DERA: variants seen among roughly 807,000 people sequenced by gnomAD.
DERA encodes 2-deoxy-D-ribose 5-phosphate aldolase.
A neutral mutation model predicts 41.1 loss-of-function variants in DERA; 15 were observed. That is an observed-to-expected ratio of 0.37 (90% CI 0.24 to 0.56). The LOEUF is 0.56. Ranked by LOEUF, DERA falls within the 20% of genes least tolerant of loss-of-function variation. The pLI is 0.81. For missense variants in DERA, 396 were observed against 403.4 expected (o/e 0.98, Z 0.16); for synonymous variants, 139 against 137.4 (o/e 1.01, Z -0.08).
rs1948745478 is a variant in DERA at position 15,983,451 on chromosome 12, CT to C, written c.637+1019del. 6.6e-6 allele frequency among the ~76,000 whole-genome samples: 1 copy of C among 152,164 alleles called. No individual in the cohort carries two copies. The highest frequency in any genetic ancestry group is 1.9e-4 in the East Asian group (1 of 5,192). On this transcript the variant is annotated intron_variant, in intron 6 of 8. Transcript: ENST00000428559. The surrounding 1 kb of genome is among the most constrained non-coding windows in gnomAD (Gnocchi z 6.2). ...GTTCTGTGCCTCCTGCCCGGAATGC[CT>C]TTTGCCCAAATAACTCCACATCTTG... is the stretch of plus-strand genomic sequence containing the variant.
Position 15,981,359 on chromosome 12 carries a change from A to C in DERA, c.509-949A>C, listed in dbSNP as rs1948731654. 6.6e-6 allele frequency among the ~76,000 whole-genome samples: 1 copy of C among 152,120 alleles called. No homozygotes were observed. Among genetic ancestry groups the C allele is most frequent in the Non-Finnish European group, 1.5e-5 (1 of 68,010 alleles). On this transcript the variant is annotated intron_variant, in intron 5 of 8. Coordinates refer to ENST00000428559, the MANE Select transcript of DERA (RefSeq NM_015954.4). The surrounding 1 kb of genome is among the most constrained non-coding windows in gnomAD (Gnocchi z 6.1). Reference sequence around the variant, plus strand: ...CAAGACTCCATCTCAAAAACCAAAAAACAAAAAACAAAAAAACCTACTTCC... The same window carrying C: ...CAAGACTCCATCTCAAAAACCAAAACACAAAAAACAAAAAAACCTACTTCC...
chr12:15,963,305 C>T (rs1308305573), intron 5 of DERA, among the ~76,000 whole-genome samples: 1 of 152,176 alleles, frequency 6.6e-6, no homozygotes, highest in East Asian at 1.9e-4. Context: ...TACTTCACTC[C>T]AGGCAAGTCT....
chr12:15,946,715 C>A (rs1948452482), intron 1 of DERA, among the ~76,000 whole-genome samples: 1 of 152,036 alleles, frequency 6.6e-6, no homozygotes, highest in Non-Finnish European at 1.5e-5. Flanking sequence ...TTTTTTGTGT[C>A]TCTATCTCCT....
Position 15,992,622 on chromosome 12 carries a change from G to C in DERA, c.637+10186G>C, listed in dbSNP as rs149201711. On this transcript the variant is annotated intron_variant, in intron 6 of 8. Transcript: ENST00000428559. The surrounding 1 kb of genome is among the most constrained non-coding windows in gnomAD (Gnocchi z 4.3). ...GGGAGTATAATCAGAGAAGAAAAAA[G>C]AGAGCTATACTTTTTTCCTTGAACA... is the stretch of plus-strand genomic sequence containing the variant. Among the ~76,000 whole-genome samples the C allele has an allele frequency of 5.5e-3, 832 of 152,208 alleles. 9 individuals are homozygous for C. Among genetic ancestry groups the C allele is most frequent in the African/African-American group, 0.019 (794 of 41,550 alleles).
chr12:16,030,669 ACTCT>A (rs1026756055), intron 6 of DERA, among the ~76,000 whole-genome samples: 2 of 151,542 alleles, frequency 1.3e-5, no homozygotes, highest in Non-Finnish European at 2.9e-5. Context: ...CAACTCCATC[ACTCT>A]CTATCTCATT....
rs2136136206 is a variant in DERA, at chr12:15,941,078, C to T, written c.32-15858C>T. ...TGTTGTAGAATTAAAAAGCCTGACC[C>T]AAAGAAAATAGTTTAGATTTACAGA... On this transcript the variant is annotated intron_variant, in intron 1 of 8. Coordinates refer to ENST00000428559, the MANE Select transcript of DERA (RefSeq NM_015954.4). The surrounding 1 kb of genome is among the most constrained non-coding windows in gnomAD (Gnocchi z 4.5). 6.6e-6 allele frequency among the ~76,000 whole-genome samples: 1 copy of T among 152,234 alleles called. No individual in the cohort carries two copies. Among genetic ancestry groups the T allele is most frequent in the Admixed American group, 6.5e-5 (1 of 15,290 alleles).
At chr12:15,950,441 C>T (rs1406453105) in intron 1 of DERA, among the ~76,000 whole-genome samples, 1 of 152,148 alleles carries the variant, frequency 6.6e-6, no homozygotes, top group African/African-American at 2.4e-5. Context: ...TTTTAGCTGG[C>T]TTCTTTACTG....
At position 15,921,070 on chromosome 12, in the gene DERA, T is replaced by A. The variant is rs1431094131; in HGVS notation, c.31+9656T>A. On this transcript the variant is annotated intron_variant, in intron 1 of 8. Coordinates refer to ENST00000428559, the MANE Select transcript of DERA (RefSeq NM_015954.4). The surrounding 1 kb of genome is among the most constrained non-coding windows in gnomAD (Gnocchi z 5.3). ...TTTTACCTTAATCTTATTATCTTTA[T>A]ATATCATATATTTTACACTGATAAG... 6.6e-6 allele frequency among the ~76,000 whole-genome samples: 1 copy of A among 152,242 alleles called. No homozygotes were observed. Among genetic ancestry groups the A allele is most frequent in the Non-Finnish European group, 1.5e-5 (1 of 68,048 alleles).
In DERA at chr12:16,018,170, T is replaced by A. The variant is rs144544335; in HGVS notation, c.638-14372T>A. 2.8e-3 allele frequency among the ~76,000 whole-genome samples: 427 copies of A among 152,304 alleles called. 4 individuals carry two copies. Among genetic ancestry groups the A allele is most frequent in the African/African-American group, 9.7e-3 (402 of 41,580 alleles). ...CCTTAAGATATTATTTTTTTAAATA[T>A]ACTACTTTGGTCTTAATACTAGTTT... On this transcript the variant is annotated intron_variant, in intron 6 of 8. Coordinates refer to ENST00000428559, the MANE Select transcript of DERA (RefSeq NM_015954.4).
Position 16,035,665 on chromosome 12 carries a change from C to T in DERA, c.751-567C>T, listed in dbSNP as rs1949122289. On this transcript the variant is annotated intron_variant, in intron 7 of 8. Coordinates refer to ENST00000428559, the MANE Select transcript of DERA (RefSeq NM_015954.4). This position sits in a 1 kb window ranked among gnomAD's most constrained non-coding sequence, Gnocchi z 4.1. ...AGCTTTTTAGAACTGTGTGTGCCTGCAACTTAGAAAAAAAATCCCACAGTT... is the reference window on the plus strand; with the variant it reads ...AGCTTTTTAGAACTGTGTGTGCCTGTAACTTAGAAAAAAAATCCCACAGTT... 2.6e-5 allele frequency among the ~76,000 whole-genome samples: 4 copies of T among 152,238 alleles called. No individual in the cohort carries two copies. The highest frequency in any genetic ancestry group is 2.0e-4 in the Admixed American group (3 of 15,296).
At chr12:16,005,727 T>C (rs1369205151) in intron 6 of DERA, among the ~76,000 whole-genome samples, 1 of 152,250 alleles carries the variant, frequency 6.6e-6, no homozygotes, top group Non-Finnish European at 1.5e-5. Context: ...AAATTCATCA[T>C]ACCAAACTTA....
Position 15,918,689 on chromosome 12 carries a change from C to T in DERA, c.31+7275C>T, listed in dbSNP as rs999121752. ...TGCCAAGGTGAGCCTGACTTGGTCT[C>T]TGCTTTCCCAGAGCTCACAGGCAAC... is the stretch of plus-strand genomic sequence containing the variant. On this transcript the variant is annotated intron_variant, in intron 1 of 8. Coordinates refer to ENST00000428559, the MANE Select transcript of DERA (RefSeq NM_015954.4). This position sits in a 1 kb window ranked among gnomAD's most constrained non-coding sequence, Gnocchi z 4.3. Among the ~76,000 whole-genome samples, 12 of 152,162 alleles carry T rather than the reference C, an allele frequency of 7.9e-5. No individual in the cohort carries two copies. Among genetic ancestry groups the T allele is most frequent in the Non-Finnish European group, 1.8e-4 (12 of 68,040 alleles).
At chr12:15,930,887 A>C (rs1948322711) in intron 1 of DERA, among the ~76,000 whole-genome samples, 1 of 152,136 alleles carries the variant, frequency 6.6e-6, no homozygotes, top group African/African-American at 2.4e-5. Flanking sequence ...ATGAGACTTA[A>C]GTGGGGTAGT....
At chr12:16,025,659 A>G (rs1949048536) in intron 6 of DERA, among the ~76,000 whole-genome samples, 1 of 152,144 alleles carries the variant, frequency 6.6e-6, no homozygotes, top group Non-Finnish European at 1.5e-5. Flanking sequence ...AGGCAGAATA[A>G]CAGCAAGGAT....
At chr12:15,971,907 C>A in intron 5 of DERA, 1 of 337,336 alleles carries the variant, frequency 3.0e-6, no homozygotes, top group Non-Finnish European at 5.8e-6. Flanking sequence ...TCAGTGAGGG[C>A]AGATGTTTCC....
chr12:16,030,254 A>T (rs986290267), intron 6 of DERA, among the ~76,000 whole-genome samples: 2 of 151,996 alleles, frequency 1.3e-5, no homozygotes, highest in Non-Finnish European at 2.9e-5. Flanking sequence ...CTTCTGTCTT[A>T]ATCTTCTCTT....
intron 5 of DERA, among the ~76,000 whole-genome samples, chr12:15,977,136 A>G (rs1480516932): frequency 2.0e-5 from 3 of 152,198 alleles, no homozygotes; most frequent in African/African-American, 7.2e-5. Flanking sequence ...CCCTAGAAGA[A>G]TGAAAACCAG....
intron 5 of DERA, among the ~76,000 whole-genome samples, chr12:15,968,858 A>G (rs1948641410): frequency 6.6e-6 from 1 of 152,172 alleles, no homozygotes; most frequent in Non-Finnish European, 1.5e-5. Flanking sequence ...GACACATAGC[A>G]CATGTGTTAA....
chr12:15,937,635 T>C (rs544807383), intron 1 of DERA, among the ~76,000 whole-genome samples: 5 of 152,244 alleles, frequency 3.3e-5, no homozygotes, highest in Non-Finnish European at 5.9e-5. Flanking sequence ...AGTTTGATTC[T>C]TATGTTGTTA....
Sources: gnomAD v4.1 joint callset for allele counts (sites outside exome capture counted in the v4.1 genomes callset) on GRCh38, gnomAD v4.1.1 for gene constraint, Gnocchi (gnomAD v3.1) non-coding constraint, MANE v1.5 for transcripts, NCBI Gene and HGNC (gene_info 2026-07-23, HGNC 2026-07-21) for gene names.